The following CEP128 variants were observed in gnomAD, a reference collection of about 807,000 sequenced individuals.
The protein encoded by CEP128 is centrosomal protein 128, also known as centrosomal protein 128kDa.
Under a neutral mutation model 156.7 loss-of-function variants are expected in CEP128, and 132 were observed. The observed-to-expected ratio is 0.84, with a 90% CI of 0.73 to 0.97. The LOEUF (loss-of-function observed/expected upper bound fraction) is 0.97. CEP128 is among the 50% of genes least tolerant of loss of function. The probability of loss-of-function intolerance (pLI) is 0.00; values close to 1 mark genes in which losing one functional copy is unlikely to be tolerated. For synonymous variants in CEP128, 469 were observed against 448.9 expected, an observed-to-expected ratio of 1.04 and a Z score of -0.57; for missense variants, 1,252 against 1,281.9, an observed-to-expected ratio of 0.98 and a Z score of 0.36.
Position 80,606,651 on chromosome 14 carries a change from T to C in CEP128, c.2807-26228A>G, listed in dbSNP as rs147030505. 4.5e-3 allele frequency among the ~76,000 whole-genome samples: 682 copies of C among 152,226 alleles called. 4 individuals are homozygous for C. Among genetic ancestry groups the C allele is most frequent in the Middle Eastern group, 0.027 (8 of 294 alleles). On this transcript the variant is annotated intron_variant, in intron 19 of 24. Transcript: ENST00000555265. ...CTAAAGTAGAAAATGTTATCTTTGT[T>C]TGGGAAACAGAATGTACTGTACTTG...
intron 16 of CEP128, among the ~76,000 whole-genome samples, chr14:80,770,419 T>A (rs1271864037): frequency 6.6e-6 from 1 of 152,182 alleles, no homozygotes; most frequent in Non-Finnish European, 1.5e-5. Context: ...TCCCATTGTA[T>A]ATTCACTTCA....
chr14:80,826,273 C>T (rs1218551687), intron 13 of CEP128, among the ~76,000 whole-genome samples: 1 of 152,014 alleles, frequency 6.6e-6, no homozygotes, highest in African/African-American at 2.4e-5. Context: ...CTTCTCTCTA[C>T]AAAGTTGTGG....
At chr14:80,869,879 T>C (rs1887943223) in intron 8 of CEP128, among the ~76,000 whole-genome samples, 2 of 152,048 alleles carry the variant, frequency 1.3e-5, no homozygotes, top group East Asian at 1.9e-4. Context: ...AAAAGAGTAA[T>C]GACTCAAGTC....
intron 8 of CEP128, chr14:80,894,755 CACT>C (rs1889269125): frequency 3.2e-6 from 1 of 315,106 alleles, no homozygotes; most frequent in Non-Finnish European, 6.2e-6. Flanking sequence ...AAGCAAATTT[CACT>C]ACAAGAGAAA....
chr14:80,716,373 G>A (rs554299171), intron 19 of CEP128, among the ~76,000 whole-genome samples: 13 of 152,228 alleles, frequency 8.5e-5, no homozygotes, highest in Non-Finnish European at 7.4e-5. Flanking sequence ...GTTGACTCTC[G>A]TAGTCATGCA....
At chr14:80,925,104 G>A (rs879464621) in intron 2 of CEP128, among the ~76,000 whole-genome samples, 4 of 152,132 alleles carry the variant, frequency 2.6e-5, no homozygotes, top group Non-Finnish European at 5.9e-5. Flanking sequence ...ACTTGTCTAA[G>A]CTTCAATTAG....
At chr14:80,947,501 A>T (rs913763153) in intron 2 of CEP128, among the ~76,000 whole-genome samples, 6 of 152,210 alleles carry the variant, frequency 3.9e-5, no homozygotes, top group Non-Finnish European at 8.8e-5. Flanking sequence ...GCCCTTTTGC[A>T]AAATTTATTA....
At position 80,527,146 on chromosome 14, in the gene CEP128, A is replaced by C. The variant is rs1230824566; in HGVS notation, c.2959-164T>G. On this transcript the variant is annotated intron_variant, in intron 22 of 24. Coordinates refer to ENST00000555265, the MANE Select transcript of CEP128 (RefSeq NM_152446.5). ...CACAGGCCACCATAGAGAAAGAAGA[A>C]GGCTACACACAGTGGCTCAAACCTG... 1.6e-5 allele frequency: 9 copies of C among 554,414 alleles called. No individual in the cohort carries two copies. In the Admixed American group the frequency reaches 2.4e-4, roughly 15 times the overall value. The allele number at this position is 554,414 out of a possible 1,614,324, so 34.3% of individuals were successfully genotyped here. A position where few individuals can be genotyped will look rare whatever the true frequency, so the allele number is the denominator to read the frequency against.
chr14:80,930,386 G>A (rs1298070356), intron 2 of CEP128, among the ~76,000 whole-genome samples: 10 of 152,126 alleles, frequency 6.6e-5, no homozygotes, highest in Admixed American at 6.6e-4. Flanking sequence ...CCTGCACTAT[G>A]CACTTGTCTC....
chr14:80,673,418 C>A (rs1422774595), intron 19 of CEP128, among the ~76,000 whole-genome samples: 3 of 151,134 alleles, frequency 2.0e-5, no homozygotes, highest in East Asian at 2.0e-4. Context: ...CCGAGGCGGG[C>A]GGATCACGAG....
intron 16 of CEP128, among the ~76,000 whole-genome samples, chr14:80,766,700 AAATC>A (rs1447973417): frequency 6.6e-6 from 1 of 152,172 alleles, no homozygotes; most frequent in Non-Finnish European, 1.5e-5. Context: ...ATGACTAAAT[AAATC>A]ATTAATTTAC....
chr14:80,574,297 C>T (rs375600837), intron 20 of CEP128, among the ~76,000 whole-genome samples: 12 of 152,250 alleles, frequency 7.9e-5, no homozygotes, highest in African/African-American at 1.7e-4. Context: ...AAAGCAATTC[C>T]GAGGGAACTC....
chr14:80,880,904 TAA>T (rs1566689664), intron 8 of CEP128, among the ~76,000 whole-genome samples: 3,791 of 107,414 alleles, frequency 0.035, 104 homozygotes, highest in Non-Finnish European at 0.048. Flanking sequence ...ATAATAATAA[TAA>T]TAATTTCAGT....
At chr14:80,792,612 C>T (rs1901769450) in intron 14 of CEP128, 148 bp downstream of exon 14, 2 of 642,594 alleles carry the variant, frequency 3.1e-6, no homozygotes, top group Non-Finnish European at 5.3e-6. Flanking sequence ...AACTTTTGTA[C>T]TTTGAAACAG....
chr14:80,815,016 C>A (rs1466670705), intron 13 of CEP128, among the ~76,000 whole-genome samples: 1 of 152,178 alleles, frequency 6.6e-6, no homozygotes, highest in Non-Finnish European at 1.5e-5. Flanking sequence ...CGAGATTGTG[C>A]CACTGCACTC....
At chr14:80,808,521 C>CTGAGAACACAA (rs1257465292) in intron 13 of CEP128, among the ~76,000 whole-genome samples, 2 of 152,152 alleles carry the variant, frequency 1.3e-5, no homozygotes, top group African/African-American at 4.8e-5. Flanking sequence ...GCTTAGGGAT[C>CTGAGAACACAA]TGAGAACACA....
intron 19 of CEP128, among the ~76,000 whole-genome samples, chr14:80,629,385 C>A (rs1432377616): frequency 6.6e-6 from 1 of 152,000 alleles, no homozygotes. Context: ...TTTTCTTTTC[C>A]TTTTTGGAGA....
At chr14:80,939,916 C>T (rs1886053213) in intron 1 of CEP128, among the ~76,000 whole-genome samples, 1 of 152,216 alleles carries the variant, frequency 6.6e-6, no homozygotes, top group Non-Finnish European at 1.5e-5. Flanking sequence ...CCCAATTATA[C>T]TTCCAAGCCA....
chr14:80,511,870 G>C (rs1463943305), intron 23 of CEP128, among the ~76,000 whole-genome samples: 2 of 152,006 alleles, frequency 1.3e-5, no homozygotes, highest in Non-Finnish European at 2.9e-5. Context: ...AGAGCATACT[G>C]TTTAATTTCC....
Sources: allele counts gnomAD v4.1 joint callset (sites outside exome capture counted in the v4.1 genomes callset), GRCh38; gene constraint gnomAD v4.1.1; transcripts MANE v1.5; gene names NCBI Gene and HGNC (gene_info 2026-07-23, HGNC 2026-07-21).